ADAMTS2: variants seen among roughly 807,000 people sequenced by gnomAD.
ADAMTS2 encodes A disintegrin and metalloproteinase with thrombospondin motifs 2.
Under a neutral mutation model 123.0 loss-of-function variants are expected in ADAMTS2, and 50 were observed. The observed-to-expected ratio is 0.41, with a 90% CI of 0.32 to 0.51. The LOEUF (loss-of-function observed/expected upper bound fraction) is 0.51. Among genes scored for constraint, ADAMTS2 ranks in the 20% least tolerant of loss-of-function variants. ADAMTS2 has a pLI of 0.35. For synonymous variants in ADAMTS2, 678 were observed against 695.4 expected (o/e 0.98, Z 0.39); for missense variants, 1,494 against 1,705.2 (o/e 0.88, Z 2.18).
chr5:179,309,753 T>C, intron 2 of ADAMTS2, among the ~76,000 whole-genome samples: 1 of 81,322 alleles, frequency 1.2e-5, no homozygotes, highest in Admixed American at 1.9e-4. Flanking sequence ...CAAGACTCAG[T>C]CTCCAAAAAA....
At chr5:179,121,489 C>T (rs1387238588) in intron 21 of ADAMTS2, 172 bp downstream of exon 21, 4 of 513,194 alleles carry the variant, frequency 7.8e-6, no homozygotes, top group Non-Finnish European at 1.4e-5. Flanking sequence ...GGCAGCGCGG[C>T]CCGGAGCGGA....
chr5:179,121,631 C>T (rs924222783), intron 21 of ADAMTS2, 30 bp downstream of exon 21: 7 of 1,574,462 alleles, frequency 4.4e-6, no homozygotes, highest in Non-Finnish European at 5.2e-6. Flanking sequence ...CACTGGAGGG[C>T]AGAGGCAGAG....
chr5:179,270,689 G>A (rs1209403443), intron 3 of ADAMTS2, among the ~76,000 whole-genome samples: 3 of 152,166 alleles, frequency 2.0e-5, no homozygotes, highest in East Asian at 3.9e-4. Context: ...TGAGGTCACC[G>A]TGGGCCCTCC....
chr5:179,253,298 AT>A (rs1205229825), intron 3 of ADAMTS2, among the ~76,000 whole-genome samples: 1 of 152,016 alleles, frequency 6.6e-6, no homozygotes, highest in Non-Finnish European at 1.5e-5. Flanking sequence ...TATGATCTCA[AT>A]TTGTCTTGGT....
intron 3 of ADAMTS2, among the ~76,000 whole-genome samples, chr5:179,238,180 A>G (rs182473329): frequency 6.2e-4 from 95 of 152,346 alleles, no homozygotes; most frequent in Admixed American, 4.9e-3. Flanking sequence ...GAAGGAAGCC[A>G]CAGCGGAACT....
In ADAMTS2 at chr5:179,345,404, TG is replaced by T; in HGVS notation, c.-77del. On this transcript the variant is annotated 5_prime_UTR_variant, in exon 1 of 22. Transcript: ENST00000251582. The surrounding 1 kb of genome is among the most constrained non-coding windows in gnomAD (Gnocchi z 7.5). ...CCCCGCGAGCCGCCCAGCCCACATC[TG>T]GGGGCAGCTGGAGCCGCCCGCAGCT... 4.9e-6 allele frequency: 5 copies of T among 1,010,794 alleles called. No homozygotes were observed. The highest frequency in any genetic ancestry group is 4.7e-6 in the Non-Finnish European group (4 of 849,814). 62.6% of individuals were successfully genotyped at this position (1,010,794 alleles called of 1,614,324 possible). A position where few individuals can be genotyped will look rare whatever the true frequency, so the allele number is the denominator to read the frequency against.
intron 5 of ADAMTS2, among the ~76,000 whole-genome samples, chr5:179,169,236 C>T (rs1337560182): frequency 1.3e-5 from 2 of 152,228 alleles, no homozygotes; most frequent in Non-Finnish European, 2.9e-5. Flanking sequence ...AGCCTGTTCA[C>T]CCTTCCATCA....
At chr5:179,121,195 A>T (rs186800326) in intron 21 of ADAMTS2, 8,321 of 152,656 alleles carry the variant, frequency 0.055, 286 homozygotes, top group Non-Finnish European at 0.078. Flanking sequence ...GGCCGGGCGG[A>T]AGCGGGCCAT....
At chr5:179,253,768 C>CA (rs1765982828) in intron 3 of ADAMTS2, among the ~76,000 whole-genome samples, 1 of 152,204 alleles carries the variant, frequency 6.6e-6, no homozygotes, top group Non-Finnish European at 1.5e-5. Flanking sequence ...AGACCCTTCT[C>CA]ACCCTTTGGC....
At position 179,291,276 on chromosome 5, in the gene ADAMTS2, C is replaced by G. The variant is rs143011752; in HGVS notation, c.535-18212G>C. Among the ~76,000 whole-genome samples, 53 of 152,312 alleles carry G rather than the reference C, an allele frequency of 3.5e-4. No individual in the cohort carries two copies. The East Asian group carries it at 8.1e-3, about 23-fold the overall frequency. On this transcript the variant is annotated intron_variant, in intron 2 of 21. Transcript: ENST00000251582. ...TCGGCTGTGGGGCCACCTCCGGGCTCTGGTGTTCAGGGGTGGGCAGTGGCA... is the reference window on the plus strand; with the variant it reads ...TCGGCTGTGGGGCCACCTCCGGGCTGTGGTGTTCAGGGGTGGGCAGTGGCA...
At chr5:179,204,173 G>A (rs978273801) in intron 4 of ADAMTS2, among the ~76,000 whole-genome samples, 1 of 152,158 alleles carries the variant, frequency 6.6e-6, no homozygotes, top group African/African-American at 2.4e-5. Context: ...GTGGAGTGGT[G>A]GGTGCCAGGA....
Position 179,180,823 on chromosome 5 carries a change from G to A in ADAMTS2, c.975+249C>T, listed in dbSNP as rs1426405519. On this transcript the variant is annotated intron_variant, in intron 5 of 21. Transcript: ENST00000251582. The surrounding 1 kb of genome is among the most constrained non-coding windows in gnomAD (Gnocchi z 4.6). Reference sequence around the variant, plus strand: ...CCTCCCTGTGTGGCCCCCGTGGCCTGGTATGTCTCTTCCTCTTGGGATCTG... The same window carrying A: ...CCTCCCTGTGTGGCCCCCGTGGCCTAGTATGTCTCTTCCTCTTGGGATCTG... Among the ~76,000 whole-genome samples, 1 of 152,172 alleles carries A rather than the reference G, an allele frequency of 6.6e-6. No homozygotes were observed. The highest frequency in any genetic ancestry group is 1.9e-4 in the East Asian group (1 of 5,182).
Position 179,127,945 on chromosome 5 carries a change from C to T in ADAMTS2, c.2617+14G>A, listed in dbSNP as rs753127866. On this transcript the variant is annotated intron_variant, in intron 17 of 21. Coordinates refer to ENST00000251582, the MANE Select transcript of ADAMTS2 (RefSeq NM_014244.5). Reference sequence around the variant, plus strand: ...CTCATGTCACCCAGGTCCCCAGCTTCGAGACCCCCTCACCTCCGCCACAGG... The same window carrying T: ...CTCATGTCACCCAGGTCCCCAGCTTTGAGACCCCCTCACCTCCGCCACAGG... The T allele has an allele frequency of 1.4e-5, 23 of 1,613,300 alleles. No homozygotes were observed. Among genetic ancestry groups the T allele is most frequent in the Admixed American group, 5.0e-5 (3 of 60,020 alleles).
At chr5:179,194,971 C>T (rs1332569690) in intron 4 of ADAMTS2, among the ~76,000 whole-genome samples, 1 of 152,226 alleles carries the variant, frequency 6.6e-6, no homozygotes, top group Non-Finnish European at 1.5e-5. Flanking sequence ...AATCTGCGCA[C>T]TGCGATTCAC....
chr5:179,132,960 CTA>C lies in ADAMTS2; in HGVS notation c.2086-62_2086-61del. ...TCCTGCTAGTAGAGTCAGGGTCATACTATGTTGCCCCCAGTCTCGAACACCTG... is the reference window on the plus strand; with the variant it reads ...TCCTGCTAGTAGAGTCAGGGTCATACTGTTGCCCCCAGTCTCGAACACCTG... On this transcript the variant is annotated intron_variant, in intron 13 of 21. Transcript: ENST00000251582. The surrounding 1 kb of genome is among the most constrained non-coding windows in gnomAD (Gnocchi z 6.1). The C allele has an allele frequency of 1.3e-6, 2 of 1,587,154 alleles. No homozygotes were observed. The highest frequency in any genetic ancestry group is 1.7e-6 in the Non-Finnish European group (2 of 1,167,702).
In ADAMTS2 at chr5:179,159,452, C is replaced by T. The variant is rs548039289; in HGVS notation, c.976-573G>A. Among the ~76,000 whole-genome samples the T allele has an allele frequency of 2.0e-5, 3 of 152,300 alleles. No individual in the cohort carries two copies. The South Asian group carries it at 6.2e-4, about 32-fold the overall frequency. ...CATATTTGGTGGGTGCAAAAGTAAT[C>T]GCAGTATTGCCATGAAAAGTAATGG... On this transcript the variant is annotated intron_variant, in intron 5 of 21. Transcript: ENST00000251582.
chr5:179,226,529 G>A (rs1765295094), intron 3 of ADAMTS2, among the ~76,000 whole-genome samples: 1 of 151,498 alleles, frequency 6.6e-6, no homozygotes, highest in Non-Finnish European at 1.5e-5. Context: ...CATCCACCCT[G>A]GCCTCCCACA....
Position 179,298,306 on chromosome 5 carries a change from T to C in ADAMTS2, c.535-25242A>G, listed in dbSNP as rs116541085. On this transcript the variant is annotated intron_variant, in intron 2 of 21. Coordinates refer to ENST00000251582, the MANE Select transcript of ADAMTS2 (RefSeq NM_014244.5). Reference sequence around the variant, plus strand: ...ATGAGCTCTTCCTGTCCCAAGGTGATGGTGTGAAGCGGGCCTTTGGAAGGT... The same window carrying C: ...ATGAGCTCTTCCTGTCCCAAGGTGACGGTGTGAAGCGGGCCTTTGGAAGGT... Among the ~76,000 whole-genome samples the C allele has an allele frequency of 2.0e-3, 303 of 152,184 alleles. 1 individual carries two copies. Among genetic ancestry groups the C allele is most frequent in the Non-Finnish European group, 3.3e-3 (225 of 67,988 alleles).
In ADAMTS2 at chr5:179,155,991, G is replaced by T. The variant is rs1272527524; in HGVS notation, c.1133-1072C>A. Among the ~76,000 whole-genome samples, 1 of 152,128 alleles carries T rather than the reference G, an allele frequency of 6.6e-6. No individual in the cohort carries two copies. Among genetic ancestry groups the T allele is most frequent in the African/African-American group, 2.4e-5 (1 of 41,426 alleles). The stretch of plus-strand genomic sequence containing the variant: ...TGTCTTTTCCCGTTGTAATAAACAG[G>T]AAAATCTGCATTTTTTGCTCTGCAG... On this transcript the variant is annotated intron_variant, in intron 6 of 21. Transcript: ENST00000251582. The surrounding 1 kb of genome is among the most constrained non-coding windows in gnomAD (Gnocchi z 5.1).
Sources: gnomAD v4.1 joint callset for allele counts (sites outside exome capture counted in the v4.1 genomes callset) on GRCh38, gnomAD v4.1.1 for gene constraint, Gnocchi (gnomAD v3.1) non-coding constraint, MANE v1.5 for transcripts, NCBI Gene and HGNC (gene_info 2026-07-23, HGNC 2026-07-21) for gene names.